The following CIMIP2A variants were observed in gnomAD, a reference collection of about 807,000 sequenced individuals.
CIMIP2A encodes the protein ciliary microtubule inner protein 2A.
chr9:137,248,649 G>T, the CIMIP2A span, among the ~76,000 whole-genome samples: 1 of 152,064 alleles, frequency 6.6e-6, no homozygotes, highest in African/African-American at 2.4e-5. Flanking sequence ...TGTGCAGATT[G>T]CTTGAGCCTA....
the CIMIP2A span, chr9:137,252,915 C>T: frequency 9.4e-6 from 15 of 1,599,346 alleles, no homozygotes; most frequent in Admixed American, 3.4e-5. Context: ...CCCCGCTCGC[C>T]GGCCTTCTCG....
the CIMIP2A span, among the ~76,000 whole-genome samples, chr9:137,248,363 T>G: frequency 2.7e-5 from 4 of 150,872 alleles, no homozygotes; most frequent in African/African-American, 4.9e-5. Context: ...ACTGACATAG[T>G]CAAATCCCGT....
chr9:137,251,213 C>T, the CIMIP2A span: 2 of 1,076,158 alleles, frequency 1.9e-6, no homozygotes, highest in Admixed American at 1.7e-5. Flanking sequence ...TCAGGAGTCC[C>T]AGCAACAGAG....
the CIMIP2A span, chr9:137,253,407 G>A: frequency 2.2e-5 from 33 of 1,483,704 alleles, no homozygotes; most frequent in Non-Finnish European, 2.9e-5. Flanking sequence ...TCTATGGGCT[G>A]TGGACAAGGC....
At chr9:137,252,516 A>C in the CIMIP2A span, 1 of 1,548,024 alleles carries the variant, frequency 6.5e-7, no homozygotes, top group Non-Finnish European at 8.8e-7. Context: ...ACTTCGACCA[A>C]GAGCAAAAGG....
chr9:137,246,045 C>G, the CIMIP2A span, among the ~76,000 whole-genome samples: 5 of 152,234 alleles, frequency 3.3e-5, 1 homozygote, highest in Admixed American at 1.3e-4. Flanking sequence ...CTCTCTCAGC[C>G]TGAACAGGCG....
chr9:137,244,119 C>T, the CIMIP2A span: 3 of 1,547,900 alleles, frequency 1.9e-6, no homozygotes, highest in African/African-American at 1.4e-5. Context: ...TAGAGCCGTC[C>T]CTCCCCACAT....
the CIMIP2A span, among the ~76,000 whole-genome samples, chr9:137,254,094 C>T: frequency 1.5e-4 from 23 of 152,352 alleles, no homozygotes; most frequent in African/African-American, 5.0e-4. Flanking sequence ...GCCTTACCTG[C>T]GGTGCCGTCA....
the CIMIP2A span, chr9:137,252,591 G>A: frequency 7.5e-7 from 1 of 1,337,310 alleles, no homozygotes; most frequent in Non-Finnish European, 1.0e-6. Flanking sequence ...TTCCAGTGGG[G>A]CCAAAGGGGG....
the CIMIP2A span, among the ~76,000 whole-genome samples, chr9:137,248,711 A>G: frequency 1.9e-4 from 29 of 152,208 alleles, no homozygotes; most frequent in East Asian, 4.8e-3. Context: ...TACAAAAAAG[A>G]AAGAAAAATT....
the CIMIP2A span, among the ~76,000 whole-genome samples, chr9:137,248,617 C>T: frequency 1.3e-5 from 2 of 149,502 alleles, no homozygotes; most frequent in African/African-American, 4.9e-5. Flanking sequence ...GCGGTGCTTT[C>T]GGAGGCCGAG....
chr9:137,253,811 C>T, the CIMIP2A span, among the ~76,000 whole-genome samples: 1 of 152,190 alleles, frequency 6.6e-6, no homozygotes, highest in Non-Finnish European at 1.5e-5. Flanking sequence ...CAGGTGGGGT[C>T]GGCCTGGCCA....
chr9:137,243,938 G>A, the CIMIP2A span: 3 of 999,546 alleles, frequency 3.0e-6, no homozygotes, highest in Non-Finnish European at 1.5e-6. Context: ...GGCCTGTCCT[G>A]TTCCAGGTAC....
chr9:137,244,176 A>G, the CIMIP2A span: 1 of 1,613,514 alleles, frequency 6.2e-7, no homozygotes, highest in African/African-American at 1.3e-5. Flanking sequence ...CTCACCGGGG[A>G]TGAACCCCAT....
the CIMIP2A span, chr9:137,245,943 T>A: frequency 3.7e-6 from 4 of 1,093,472 alleles, no homozygotes; most frequent in Non-Finnish European, 4.9e-6. Context: ...GGATTCAGCC[T>A]GCTGGCCACT....
the CIMIP2A span, chr9:137,245,436 C>T: frequency 2.9e-5 from 47 of 1,613,888 alleles, no homozygotes; most frequent in South Asian, 1.5e-4. Flanking sequence ...GGGTGTCGGG[C>T]GTGAAGCCTG....
At chr9:137,248,947 G>A in the CIMIP2A span, among the ~76,000 whole-genome samples, 1 of 151,490 alleles carries the variant, frequency 6.6e-6, no homozygotes, top group South Asian at 2.1e-4. Flanking sequence ...AACAAATCTG[G>A]TATCAGCATA....
chr9:137,247,810 G>A, the CIMIP2A span: 5 of 1,265,662 alleles, frequency 4.0e-6, no homozygotes, highest in South Asian at 6.3e-5. Context: ...CATTGTGAGG[G>A]GCCAGCATTG....
the CIMIP2A span, chr9:137,252,013 GC>G: frequency 5.6e-6 from 9 of 1,611,546 alleles, no homozygotes; most frequent in Middle Eastern, 1.7e-4. Flanking sequence ...CTGGAGCAAC[GC>G]CCCCTGATCA....
Sources: gnomAD v4.1 joint callset for allele counts (sites outside exome capture counted in the v4.1 genomes callset) on GRCh38, gnomAD v4.1.1 for gene constraint, MANE v1.5 for transcripts, NCBI Gene and HGNC (gene_info 2026-07-23, HGNC 2026-07-21) for gene names.